The following RAB43 variants were observed in gnomAD, a reference collection of about 807,000 sequenced individuals.
RAB43 encodes ras-related protein Rab-43.
RAB43 carries 6 observed loss-of-function variants against 18.8 expected under a neutral mutation model. The ratio of observed to expected loss-of-function variants is 0.32; its 90% CI spans 0.17 to 0.63. The LOEUF (loss-of-function observed/expected upper bound fraction) is 0.63, where lower values mean the gene tolerates loss of function less well. Ranked by LOEUF, RAB43 falls within the 30% of genes least tolerant of loss-of-function variation. The probability of loss-of-function intolerance (pLI) is 0.79; values close to 1 mark genes in which losing one functional copy is unlikely to be tolerated. For synonymous variants in RAB43, 103 were observed against 124.1 expected (o/e 0.83, Z 1.13); for missense variants, 195 against 289.1 (o/e 0.67, Z 2.36).
intron 2 of RAB43, among the ~76,000 whole-genome samples, chr3:129,094,198 A>C (rs1933866867): frequency 6.6e-6 from 1 of 152,210 alleles, no homozygotes; most frequent in South Asian, 2.1e-4. Context: ...CTGCAGCTGC[A>C]CTTGAAGAAG....
intron 1 of RAB43, among the ~76,000 whole-genome samples, chr3:129,096,655 G>A (rs982356005): frequency 6.6e-6 from 1 of 152,120 alleles, no homozygotes; most frequent in African/African-American, 2.4e-5. Flanking sequence ...ATGGAACAAG[G>A]AAAGAATAGT....
intron 1 of RAB43, among the ~76,000 whole-genome samples, chr3:129,105,127 T>A (rs1934680042): frequency 2.0e-5 from 3 of 152,096 alleles, no homozygotes. Context: ...CAGAAAAGGA[T>A]ATGCTATCTA....
At position 129,107,987 on chromosome 3, in the gene RAB43, C is replaced by A. The variant is rs1268329156; in HGVS notation, c.205-12818G>T. 6.6e-6 allele frequency among the ~76,000 whole-genome samples: 1 copy of A among 152,224 alleles called. No individual in the cohort carries two copies. Among genetic ancestry groups the A allele is most frequent in the African/African-American group, 2.4e-5 (1 of 41,456 alleles). On this transcript the variant is annotated intron_variant, in intron 1 of 2. Transcript: ENST00000315150. This position sits in a 1 kb window ranked among gnomAD's most constrained non-coding sequence, Gnocchi z 4.2. Reference sequence around the variant, plus strand: ...CTATGGCCCCCAGGCCCACAGCCTGCCAGTGCCACCAGGCTGGCCCTCGTA... The same window carrying A: ...CTATGGCCCCCAGGCCCACAGCCTGACAGTGCCACCAGGCTGGCCCTCGTA...
rs774287490 is a variant in RAB43, at chr3:129,095,066, C to G, written c.308G>C (p.Arg103Thr). Residue 103 changes from arginine to threonine, a missense_variant, in exon 2 of 3, where the codon AGG becomes ACG. Arg to Thr is a moderately conservative substitution (Grantham distance 71). Coordinates refer to ENST00000315150, the MANE Select transcript of RAB43 (RefSeq NM_198490.3). The surrounding 1 kb of genome is among the most constrained non-coding windows in gnomAD (Gnocchi z 4.2). Reference sequence around the variant, plus strand: ...GTGAGGCACCGACAGGAAGGAGCTCCTCTTGGTGATGTCGTAGGCAAGGAT... The same window carrying G: ...GTGAGGCACCGACAGGAAGGAGCTCGTCTTGGTGATGTCGTAGGCAAGGAT... ...GAILAYDITK[R>T]SSFLSVPHWI... 6.2e-7 allele frequency: 1 copy of G among 1,614,076 alleles called. No individual in the cohort carries two copies. The highest frequency in any genetic ancestry group is 8.5e-7 in the Non-Finnish European group (1 of 1,179,954).
intron 1 of RAB43, among the ~76,000 whole-genome samples, chr3:129,096,894 C>T (rs1485390481): frequency 3.3e-5 from 5 of 152,140 alleles, no homozygotes; most frequent in African/African-American, 9.7e-5. Flanking sequence ...AGAAGGATCA[C>T]CTGAGATCAA....
At chr3:129,111,713 A>G (rs540175276) in intron 1 of RAB43, among the ~76,000 whole-genome samples, 2 of 152,194 alleles carry the variant, frequency 1.3e-5, no homozygotes, top group East Asian at 3.9e-4. Flanking sequence ...TCAATAATAA[A>G]ACTGATTTTT....
At chr3:129,102,023 A>G (rs926605104) in intron 1 of RAB43, among the ~76,000 whole-genome samples, 8 of 152,198 alleles carry the variant, frequency 5.3e-5, no homozygotes, top group Admixed American at 2.0e-4. Flanking sequence ...CTGTGTGCTC[A>G]TGCCTCCATG....
intron 1 of RAB43, among the ~76,000 whole-genome samples, chr3:129,101,327 A>C (rs1450156929): frequency 6.6e-6 from 1 of 152,242 alleles, no homozygotes; most frequent in Non-Finnish European, 1.5e-5. Context: ...GGCTGTGTAC[A>C]TGAGTCGTTC....
intron 1 of RAB43, among the ~76,000 whole-genome samples, chr3:129,110,718 G>A (rs1347242735): frequency 6.6e-6 from 1 of 152,118 alleles, no homozygotes; most frequent in East Asian, 1.9e-4. Flanking sequence ...GAGAGTGGCT[G>A]CTTATGGTGA....
At chr3:129,101,960 C>T (rs1327748885) in intron 1 of RAB43, among the ~76,000 whole-genome samples, 6 of 152,238 alleles carry the variant, frequency 3.9e-5, no homozygotes, top group African/African-American at 1.2e-4. Flanking sequence ...GTGCCCCTCA[C>T]TCCCTGCCTG....
chr3:129,095,434 G>C lies in RAB43; in HGVS notation c.205-265C>G, dbSNP rs948447508. ...CTCTGAGCTGACCCAGGTCCTCCGC[G>C]TGCCCCTCCGTGTGCCCCTCTCCCC... On this transcript the variant is annotated intron_variant, in intron 1 of 2. Coordinates refer to ENST00000315150, the MANE Select transcript of RAB43 (RefSeq NM_198490.3). This position sits in a 1 kb window ranked among gnomAD's most constrained non-coding sequence, Gnocchi z 4.2. 1.3e-5 allele frequency among the ~76,000 whole-genome samples: 2 copies of C among 152,166 alleles called. No homozygotes were observed. Among genetic ancestry groups the C allele is most frequent in the Admixed American group, 1.3e-4 (2 of 15,278 alleles).
chr3:129,116,564 C>T (rs1017256245), intron 1 of RAB43, among the ~76,000 whole-genome samples: 7 of 152,288 alleles, frequency 4.6e-5, no homozygotes, highest in South Asian at 4.1e-4. Context: ...CCTCTTATCC[C>T]GCCCTGCCCC....
intron 1 of RAB43, among the ~76,000 whole-genome samples, chr3:129,120,004 C>G (rs1037462125): frequency 2.7e-4 from 41 of 152,164 alleles, no homozygotes; most frequent in Non-Finnish European, 5.7e-4. Context: ...AAAGGGTGGT[C>G]CCGAGTGACT....
At position 129,095,407 on chromosome 3, in the gene RAB43, C is replaced by T. The variant is rs77187982; in HGVS notation, c.205-238G>A. 0.011 allele frequency among the ~76,000 whole-genome samples: 1,604 copies of T among 146,452 alleles called. 13 individuals are homozygous for T. Among genetic ancestry groups the T allele is most frequent in the Middle Eastern group, 0.033 (9 of 272 alleles). ...CCAGGGAAAGATGGAGGAAGGGGTA[C>T]ACTCTGAGCTGACCCAGGTCCTCCG... is the stretch of plus-strand genomic sequence containing the variant. On this transcript the variant is annotated intron_variant, in intron 1 of 2. Transcript: ENST00000315150. The surrounding 1 kb of genome is among the most constrained non-coding windows in gnomAD (Gnocchi z 4.2).
At chr3:129,103,937 G>A (rs1450432428) in intron 1 of RAB43, among the ~76,000 whole-genome samples, 1 of 151,958 alleles carries the variant, frequency 6.6e-6, no homozygotes, top group Non-Finnish European at 1.5e-5. Flanking sequence ...GCACGTCACT[G>A]CCTGACATGC....
intron 1 of RAB43, among the ~76,000 whole-genome samples, chr3:129,111,567 C>T (rs969170885): frequency 2.0e-5 from 3 of 151,202 alleles, no homozygotes; most frequent in Admixed American, 6.6e-5. Flanking sequence ...TCCAGCAGCA[C>T]CCTCCCATCA....
At chr3:129,102,426 C>T (rs556956569) in intron 1 of RAB43, among the ~76,000 whole-genome samples, 2 of 151,946 alleles carry the variant, frequency 1.3e-5, no homozygotes, top group Non-Finnish European at 2.9e-5. Flanking sequence ...GTCAGGAGAT[C>T]GAGACCGTCC....
At chr3:129,110,880 T>G (rs2108019555) in intron 1 of RAB43, among the ~76,000 whole-genome samples, 1 of 152,108 alleles carries the variant, frequency 6.6e-6, no homozygotes, top group East Asian at 1.9e-4. Flanking sequence ...ATATGTGGAT[T>G]ATATCTCCAT....
At chr3:129,111,697 G>C (rs918410137) in intron 1 of RAB43, among the ~76,000 whole-genome samples, 3 of 151,914 alleles carry the variant, frequency 2.0e-5, no homozygotes, top group Non-Finnish European at 2.9e-5. Context: ...TATTGGCCTT[G>C]AGATTTCAAT....
Sources: gnomAD v4.1 joint callset for allele counts (sites outside exome capture counted in the v4.1 genomes callset) on GRCh38, gnomAD v4.1.1 for gene constraint, Gnocchi (gnomAD v3.1) non-coding constraint, MANE v1.5 for transcripts, NCBI Gene and HGNC (gene_info 2026-07-23, HGNC 2026-07-21) for gene names.